The following PPARGC1A variants were observed in gnomAD, a reference collection of about 807,000 sequenced individuals.
PPARGC1A encodes the protein PPARG coactivator 1 alpha.
Under a neutral mutation model 88.7 loss-of-function variants are expected in PPARGC1A, and 25 were observed. The ratio of observed to expected loss-of-function variants is 0.28; its 90% confidence interval spans 0.21 to 0.39. The LOEUF is 0.39. Among genes scored for constraint, PPARGC1A ranks in the 10% least tolerant of loss-of-function variants. The probability of loss-of-function intolerance (pLI) is 1.00; values close to 1 mark genes in which losing one functional copy is unlikely to be tolerated. For synonymous variants in PPARGC1A, 363 were observed against 355.6 expected (o/e 1.02, Z -0.24); for missense variants, 880 against 968.7 (o/e 0.91, Z 1.22).
chr4:24,237,772 A>G, the PPARGC1A span, among the ~76,000 whole-genome samples: 1 of 152,162 alleles, frequency 6.6e-6, no homozygotes, highest in African/African-American at 2.4e-5. Flanking sequence ...AGAGGCAACA[A>G]CTTTATAGGC....
the PPARGC1A span, among the ~76,000 whole-genome samples, chr4:23,982,421 G>A: frequency 6.6e-6 from 1 of 152,070 alleles, no homozygotes; most frequent in Non-Finnish European, 1.5e-5. Context: ...TCATGGCCAT[G>A]CTCCTTTCTC....
At chr4:23,992,718 T>C in the PPARGC1A span, among the ~76,000 whole-genome samples, 4 of 152,088 alleles carry the variant, frequency 2.6e-5, no homozygotes, top group African/African-American at 4.8e-5. Flanking sequence ...TTATACCCAC[T>C]TGTATCAAAA....
chr4:24,155,665 G>A, the PPARGC1A span, among the ~76,000 whole-genome samples: 2 of 151,710 alleles, frequency 1.3e-5, no homozygotes, highest in East Asian at 3.9e-4. Context: ...CATGAAGCTT[G>A]TGGTTTAGCT....
At chr4:24,191,663 GA>G in the PPARGC1A span, among the ~76,000 whole-genome samples, 1 of 151,524 alleles carries the variant, frequency 6.6e-6, no homozygotes, top group Non-Finnish European at 1.5e-5. Flanking sequence ...TTTAAAAAAA[GA>G]AAAAAAAGAA....
At chr4:23,921,546 A>T in the PPARGC1A span, among the ~76,000 whole-genome samples, 1 of 152,222 alleles carries the variant, frequency 6.6e-6, no homozygotes, top group East Asian at 1.9e-4. Context: ...AGGCACACTG[A>T]ACACCATTTT....
chr4:24,042,521 G>A, the PPARGC1A span, among the ~76,000 whole-genome samples: 1 of 152,172 alleles, frequency 6.6e-6, no homozygotes, highest in Non-Finnish European at 1.5e-5. Flanking sequence ...GAAAACACAT[G>A]CTACTTATAT....
At chr4:24,402,704 G>C in the PPARGC1A span, among the ~76,000 whole-genome samples, 1 of 152,206 alleles carries the variant, frequency 6.6e-6, no homozygotes, top group African/African-American at 2.4e-5. Context: ...AGTGGACAGA[G>C]CCCACCAGCC....
the PPARGC1A span, among the ~76,000 whole-genome samples, chr4:24,130,916 C>T: frequency 6.6e-6 from 1 of 152,134 alleles, no homozygotes; most frequent in African/African-American, 2.4e-5. Flanking sequence ...TCTGCACTGT[C>T]CCCTCATCCT....
At chr4:24,038,574 A>G in the PPARGC1A span, among the ~76,000 whole-genome samples, 1 of 152,164 alleles carries the variant, frequency 6.6e-6, no homozygotes, top group Admixed American at 6.5e-5. Flanking sequence ...GAGCAATAAC[A>G]TTCTATATCC....
chr4:24,254,525 C>T, the PPARGC1A span, among the ~76,000 whole-genome samples: 3 of 152,208 alleles, frequency 2.0e-5, no homozygotes, highest in Non-Finnish European at 4.4e-5. Flanking sequence ...TCCTCAACTT[C>T]CATGGCCTGG....
At chr4:23,875,533 T>G (rs931051028) in intron 2 of PPARGC1A, among the ~76,000 whole-genome samples, 1 of 151,934 alleles carries the variant, frequency 6.6e-6, no homozygotes, top group African/African-American at 2.4e-5. Context: ...ATACATTCAT[T>G]TCTCAGGGAC....
the PPARGC1A span, among the ~76,000 whole-genome samples, chr4:24,230,213 T>C: frequency 7.2e-5 from 11 of 152,240 alleles, no homozygotes; most frequent in Non-Finnish European, 1.3e-4. Flanking sequence ...TACATGTGTA[T>C]AAACAAGCCC....
chr4:24,009,186 ATTATT>A, the PPARGC1A span, among the ~76,000 whole-genome samples: 1 of 148,066 alleles, frequency 6.8e-6, no homozygotes, highest in Admixed American at 6.7e-5. Flanking sequence ...ATGATTATTC[ATTATT>A]TTATATCAAT....
At chr4:23,815,883 C>G (rs1721893011) in intron 7 of PPARGC1A, among the ~76,000 whole-genome samples, 1 of 152,074 alleles carries the variant, frequency 6.6e-6, no homozygotes, top group African/African-American at 2.4e-5. Flanking sequence ...GAAAAAAATG[C>G]TACCTTGCTG....
chr4:24,407,093 A>ACT, the PPARGC1A span, among the ~76,000 whole-genome samples: 5 of 151,814 alleles, frequency 3.3e-5, no homozygotes, highest in African/African-American at 9.7e-5. Context: ...AACCACCTCC[A>ACT]CTCTCTCTGA....
chr4:24,310,172 A>T, the PPARGC1A span, among the ~76,000 whole-genome samples: 2 of 152,192 alleles, frequency 1.3e-5, no homozygotes, highest in Non-Finnish European at 2.9e-5. Flanking sequence ...CGTGGAGCTC[A>T]AGAGAGTGTT....
chr4:24,412,348 A>C, the PPARGC1A span, among the ~76,000 whole-genome samples: 1 of 152,202 alleles, frequency 6.6e-6, no homozygotes, highest in Non-Finnish European at 1.5e-5. Context: ...CTATTGTTCC[A>C]CAACCCATGA....
At chr4:24,248,404 C>T in the PPARGC1A span, among the ~76,000 whole-genome samples, 121 of 152,118 alleles carry the variant, frequency 8.0e-4, no homozygotes, top group Admixed American at 1.2e-3. Context: ...GGATTACAGG[C>T]GTGAGAACCC....
intron 12 of PPARGC1A, among the ~76,000 whole-genome samples, chr4:23,799,533 C>A (rs966243203): frequency 5.9e-5 from 9 of 152,208 alleles, no homozygotes; most frequent in Admixed American, 5.2e-4. Context: ...CCTCTTCAGA[C>A]TATACAATGA....
Sources: gnomAD v4.1 joint callset for allele counts (sites outside exome capture counted in the v4.1 genomes callset) on GRCh38, gnomAD v4.1.1 for gene constraint, MANE v1.5 for transcripts, NCBI Gene and HGNC (gene_info 2026-07-23, HGNC 2026-07-21) for gene names.